The following GAB2 variants were observed in gnomAD, a reference collection of about 807,000 sequenced individuals.
The protein encoded by GAB2 is GRB2 associated binding protein 2.
A neutral mutation model predicts 65.5 loss-of-function variants in GAB2; 26 were observed. That is an observed-to-expected ratio of 0.40 (90% confidence interval 0.29 to 0.55). The LOEUF is 0.55. Among genes scored for constraint, GAB2 ranks in the 20% least tolerant of loss-of-function variants. The pLI, the probability that GAB2 is intolerant of heterozygous loss-of-function variation, is 0.53. For missense variants in GAB2, 884 were observed against 875.8 expected (o/e 1.01, Z -0.12); for synonymous variants, 321 against 329.6 (o/e 0.97, Z 0.28).
intron 3 of GAB2, among the ~76,000 whole-genome samples, chr11:78,249,808 T>C (rs1865396250): frequency 1.3e-5 from 2 of 152,098 alleles, no homozygotes; most frequent in South Asian, 2.1e-4. Context: ...AACTATGTTA[T>C]GGTTTTATAG....
At chr11:78,233,974 C>T (rs1864918945) in intron 3 of GAB2, among the ~76,000 whole-genome samples, 1 of 152,214 alleles carries the variant, frequency 6.6e-6, no homozygotes, top group Non-Finnish European at 1.5e-5. Context: ...GACTACTTCA[C>T]CAAAAACTAC....
At chr11:78,377,189 C>T (rs1205633326) in intron 1 of GAB2, among the ~76,000 whole-genome samples, 1 of 152,216 alleles carries the variant, frequency 6.6e-6, no homozygotes, top group Non-Finnish European at 1.5e-5. Context: ...GTATTTATTT[C>T]TAGCACTGCA....
intron 1 of GAB2, among the ~76,000 whole-genome samples, chr11:78,350,541 A>G (rs959137610): frequency 1.3e-5 from 2 of 152,248 alleles, no homozygotes; most frequent in African/African-American, 4.8e-5. Flanking sequence ...AATCTGTTAT[A>G]AAGCCAGGCG....
chr11:78,410,347 T>C (rs1200836780), intron 1 of GAB2, among the ~76,000 whole-genome samples: 7 of 151,976 alleles, frequency 4.6e-5, no homozygotes, highest in Admixed American at 3.3e-4. Flanking sequence ...CTACTAAAAA[T>C]ACAAAAATCA....
intron 1 of GAB2, among the ~76,000 whole-genome samples, chr11:78,281,826 A>G (rs764351141): frequency 5.3e-5 from 8 of 152,332 alleles, no homozygotes; most frequent in Non-Finnish European, 8.8e-5. Context: ...AACTCACAGC[A>G]TTTTTAGGCA....
At chr11:78,363,311 C>T (rs993276538) in intron 1 of GAB2, among the ~76,000 whole-genome samples, 2 of 152,204 alleles carry the variant, frequency 1.3e-5, no homozygotes, top group Non-Finnish European at 2.9e-5. Context: ...TTCAATTAAT[C>T]TCTAAATTCC....
At chr11:78,297,560 CAGGGAGAACAGCAT>C (rs1233988428) in intron 1 of GAB2, among the ~76,000 whole-genome samples, 1 of 151,958 alleles carries the variant, frequency 6.6e-6, no homozygotes, top group African/African-American at 2.4e-5. Context: ...GTAGCTCAGG[CAGGGAGAACAGCAT>C]AGGTAAAGGC....
intron 1 of GAB2, among the ~76,000 whole-genome samples, chr11:78,301,366 G>A (rs902026540): frequency 2.2e-5 from 3 of 139,210 alleles, no homozygotes; most frequent in African/African-American, 8.7e-5. Flanking sequence ...GTCTTGCACT[G>A]TCACCCAGGC....
intron 1 of GAB2, among the ~76,000 whole-genome samples, chr11:78,288,685 G>C (rs957099071): frequency 6.6e-6 from 1 of 152,158 alleles, no homozygotes; most frequent in African/African-American, 2.4e-5. Context: ...AATCAAAGGA[G>C]ACTTAAATAA....
At chr11:78,334,322 G>A (rs1351140991) in intron 1 of GAB2, among the ~76,000 whole-genome samples, 1 of 152,114 alleles carries the variant, frequency 6.6e-6, no homozygotes, top group African/African-American at 2.4e-5. Flanking sequence ...TTACCCTGTT[G>A]TGCAATAAAA....
chr11:78,316,616 C>G (rs1855611970), intron 1 of GAB2, among the ~76,000 whole-genome samples: 1 of 152,100 alleles, frequency 6.6e-6, no homozygotes, highest in Admixed American at 6.5e-5. Context: ...ATTAATATGG[C>G]TACTTTAAAA....
chr11:78,330,010 C>A (rs938113703), intron 1 of GAB2, among the ~76,000 whole-genome samples: 1 of 152,120 alleles, frequency 6.6e-6, no homozygotes, highest in African/African-American at 2.4e-5. Flanking sequence ...CTCGTTTCTA[C>A]TGGCAAAAAA....
intron 2 of GAB2, among the ~76,000 whole-genome samples, chr11:78,268,833 T>C (rs1865936306): frequency 6.6e-6 from 1 of 151,766 alleles, no homozygotes; most frequent in Non-Finnish European, 1.5e-5. Context: ...CTTCAGAGGA[T>C]TTGGAATTCC....
intron 1 of GAB2, among the ~76,000 whole-genome samples, chr11:78,320,729 T>A (rs1416050956): frequency 8.2e-6 from 1 of 121,500 alleles, no homozygotes; most frequent in Admixed American, 7.7e-5. Context: ...TTTTGCCTTT[T>A]TTTTTTTTTT....
In GAB2 at chr11:78,216,618, A is replaced by C. The variant is rs570535764; in HGVS notation, c.*2654T>G. The C allele has an allele frequency of 4.0e-5, 6 of 150,144 alleles. No homozygotes were observed. The South Asian group carries it at 1.2e-3, about 31-fold the overall frequency. 9.3% of individuals were successfully genotyped at this position (150,144 alleles called of 1,614,324 possible). A position where few individuals can be genotyped will look rare whatever the true frequency, so the allele number is the denominator to read the frequency against. Reference sequence around the variant, plus strand: ...AAGGAAGCCTCCTGGTAGTTACCAGAATAGGGGGCTGGAAGGAAGCCTCCT... The same window carrying C: ...AAGGAAGCCTCCTGGTAGTTACCAGCATAGGGGGCTGGAAGGAAGCCTCCT... On this transcript the variant is annotated 3_prime_UTR_variant, in exon 10 of 10. Coordinates refer to ENST00000361507, the MANE Select transcript of GAB2 (RefSeq NM_080491.3).
intron 1 of GAB2, among the ~76,000 whole-genome samples, chr11:78,311,643 G>C (rs1286481010): frequency 6.6e-6 from 1 of 152,080 alleles, no homozygotes; most frequent in East Asian, 1.9e-4. Context: ...CCAGGCTGTG[G>C]GCCAGGCAGT....
At chr11:78,266,042 C>T (rs1250781473) in intron 2 of GAB2, among the ~76,000 whole-genome samples, 38 of 151,490 alleles carry the variant, frequency 2.5e-4, no homozygotes, top group Admixed American at 2.5e-3. Context: ...TGGTGAAACC[C>T]CATCTCTACT....
chr11:78,386,721 G>C (rs1856772795), intron 1 of GAB2, among the ~76,000 whole-genome samples: 1 of 152,154 alleles, frequency 6.6e-6, no homozygotes, highest in East Asian at 1.9e-4. Context: ...ATACCAGGAG[G>C]GAACATCCTG....
Position 78,226,414 on chromosome 11 carries a change from C to A in GAB2, c.1207+51G>T, listed in dbSNP as rs371042040. 7.9e-6 allele frequency: 11 copies of A among 1,399,194 alleles called. No homozygotes were observed. The Middle Eastern group carries it at 7.1e-4, about 90-fold the overall frequency. 86.7% of individuals were successfully genotyped at this position (1,399,194 alleles called of 1,614,324 possible). ...CAAGGACCATCAAACTATTGAGAAC[C>A]CCTGTGTTACCTCCTCCTCCCTCTG... On this transcript the variant is annotated intron_variant, in intron 4 of 9. Coordinates refer to ENST00000361507, the MANE Select transcript of GAB2 (RefSeq NM_080491.3).
Sources: allele counts gnomAD v4.1 joint callset (sites outside exome capture counted in the v4.1 genomes callset), GRCh38; gene constraint gnomAD v4.1.1; transcripts MANE v1.5; gene names NCBI Gene and HGNC (gene_info 2026-07-23, HGNC 2026-07-21).